KALRN: variants seen among roughly 807,000 people sequenced by gnomAD.
KALRN encodes kalirin.
Under a neutral mutation model 353.7 loss-of-function variants are expected in KALRN, and 70 were observed. That is an observed-to-expected ratio of 0.20 (90% CI 0.16 to 0.24). The LOEUF (loss-of-function observed/expected upper bound fraction) is 0.24. Ranked by LOEUF, KALRN falls within the 10% of genes least tolerant of loss-of-function variation. The probability of loss-of-function intolerance (pLI) is 1.00; values close to 1 mark genes in which losing one functional copy is unlikely to be tolerated. For synonymous variants in KALRN, 1,391 were observed against 1,434.8 expected, an observed-to-expected ratio of 0.97 and a Z score of 0.69; for missense variants, 2,791 against 3,756.7, an observed-to-expected ratio of 0.74 and a Z score of 6.72.
chr3:124,599,634 C>T (rs2076609696), intron 34 of KALRN, among the ~76,000 whole-genome samples: 1 of 152,202 alleles, frequency 6.6e-6, no homozygotes, highest in African/African-American at 2.4e-5. Flanking sequence ...GTTTCTGTAA[C>T]ATTTGGGACG....
intron 37 of KALRN, among the ~76,000 whole-genome samples, chr3:124,645,879 A>G (rs904353244): frequency 3.4e-5 from 5 of 146,728 alleles, no homozygotes; most frequent in Admixed American, 2.8e-4. Flanking sequence ...GAACCTCCCT[A>G]CTGTTTTCCA....
chr3:124,506,012 G>A (rs2065179237), intron 33 of KALRN, among the ~76,000 whole-genome samples: 1 of 152,164 alleles, frequency 6.6e-6, no homozygotes, highest in African/African-American at 2.4e-5. Context: ...TGATGGGAGT[G>A]GGTGAATACA....
At chr3:124,402,575 A>G (rs2091010023) in intron 13 of KALRN, among the ~76,000 whole-genome samples, 1 of 152,230 alleles carries the variant, frequency 6.6e-6, no homozygotes, top group African/African-American at 2.4e-5. Flanking sequence ...GATAATCAGA[A>G]AGAAATGAAA....
chr3:124,433,615 A>C (rs1393848259), intron 16 of KALRN, among the ~76,000 whole-genome samples: 1 of 141,888 alleles, frequency 7.0e-6, no homozygotes, highest in Non-Finnish European at 1.5e-5. Flanking sequence ...AAAAAAAAAA[A>C]AGGAAAGAAA....
intron 1 of KALRN, among the ~76,000 whole-genome samples, chr3:124,144,980 C>G (rs1044454961): frequency 2.6e-5 from 4 of 152,062 alleles, no homozygotes; most frequent in Admixed American, 2.6e-4. Context: ...TCAAGAAAGC[C>G]CAGGAGTTTC....
chr3:124,687,805 T>G (rs61254249), intron 51 of KALRN, among the ~76,000 whole-genome samples: 12,857 of 151,980 alleles, frequency 0.085, 902 homozygotes, highest in East Asian at 0.32. Context: ...ATATCCTTTT[T>G]AAAAATCTCA....
chr3:124,584,497 C>T (rs1051185290), intron 34 of KALRN, among the ~76,000 whole-genome samples: 2 of 152,240 alleles, frequency 1.3e-5, no homozygotes, highest in African/African-American at 4.8e-5. Context: ...AGGGCTCAAA[C>T]TCCACCCGTT....
chr3:124,148,545 G>A (rs1405530787), intron 1 of KALRN, among the ~76,000 whole-genome samples: 1 of 152,182 alleles, frequency 6.6e-6, no homozygotes, highest in African/African-American at 2.4e-5. Flanking sequence ...CTTTCAGGCA[G>A]CATTTGGCAA....
chr3:124,350,777 T>C (rs2082754032), intron 10 of KALRN, among the ~76,000 whole-genome samples: 2 of 152,216 alleles, frequency 1.3e-5, no homozygotes, highest in African/African-American at 4.8e-5. Context: ...GACAGAGTTC[T>C]AACTTCCAAA....
intron 35 of KALRN, among the ~76,000 whole-genome samples, 174 bp downstream of exon 35, chr3:124,632,877 C>A (rs1002891106): frequency 6.6e-6 from 1 of 152,210 alleles, no homozygotes; most frequent in Non-Finnish European, 1.5e-5. Context: ...GTGGCTGATT[C>A]AGAAGCTGAC....
intron 57 of KALRN, among the ~76,000 whole-genome samples, chr3:124,705,896 ATTTC>A (rs1163801536): frequency 1.1e-5 from 1 of 91,026 alleles, no homozygotes; most frequent in Non-Finnish European, 2.2e-5. Flanking sequence ...TCTCTTTCTT[ATTTC>A]TTTGTTTCTT....
intron 1 of KALRN, among the ~76,000 whole-genome samples, chr3:124,172,117 A>G (rs780393785): frequency 3.9e-5 from 6 of 152,192 alleles, no homozygotes; most frequent in Admixed American, 2.0e-4. Flanking sequence ...TTCATTTTGC[A>G]TGATTGAGTT....
At chr3:124,588,869 C>T (rs893661183) in intron 34 of KALRN, among the ~76,000 whole-genome samples, 2 of 152,260 alleles carry the variant, frequency 1.3e-5, no homozygotes, top group Non-Finnish European at 2.9e-5. Context: ...ATTGTCCTTG[C>T]ATCCCAAGCC....
chr3:124,193,930 TAAAA>T (rs2075184490), intron 1 of KALRN, among the ~76,000 whole-genome samples: 1 of 152,186 alleles, frequency 6.6e-6, no homozygotes, highest in Non-Finnish European at 1.5e-5. Context: ...TGAAAGGAAC[TAAAA>T]AGGTAGAATT....
intron 33 of KALRN, chr3:124,504,906 T>G (rs1193360242): frequency 2.0e-6 from 1 of 507,178 alleles, no homozygotes; most frequent in Admixed American, 2.1e-5. Flanking sequence ...AGCCAAGATG[T>G]TAAAGTGGAT....
At chr3:124,643,937 A>G (rs558944541) in intron 37 of KALRN, among the ~76,000 whole-genome samples, 19 of 152,330 alleles carry the variant, frequency 1.2e-4, no homozygotes, top group Middle Eastern at 3.4e-3. Context: ...TAAAATTTAT[A>G]TTTTAATTAG....
intron 10 of KALRN, among the ~76,000 whole-genome samples, chr3:124,363,442 G>A (rs1406780588): frequency 6.6e-6 from 1 of 152,196 alleles, no homozygotes; most frequent in Non-Finnish European, 1.5e-5. Context: ...CAGTTTCTAT[G>A]TCTACAAAAT....
chr3:124,697,788 C>T (rs770275089), intron 55 of KALRN, 64 bp downstream of exon 55: 287 of 1,371,300 alleles, frequency 2.1e-4, no homozygotes, highest in Non-Finnish European at 2.6e-4. Context: ...TTTAAAATTG[C>T]AGTAAAACAC....
At chr3:124,274,889 G>A (rs1275621215) in intron 5 of KALRN, among the ~76,000 whole-genome samples, 2 of 152,072 alleles carry the variant, frequency 1.3e-5, no homozygotes, top group East Asian at 1.9e-4. Context: ...ATTTTTGCAC[G>A]GTGAAATTCT....
Sources: gnomAD v4.1 joint callset for allele counts (sites outside exome capture counted in the v4.1 genomes callset) on GRCh38, gnomAD v4.1.1 for gene constraint, MANE v1.5 for transcripts, NCBI Gene and HGNC (gene_info 2026-07-23, HGNC 2026-07-21) for gene names.